Variants in ACADS observed in about 807,000 individuals in gnomAD.
ACADS encodes short-chain specific acyl-CoA dehydrogenase, mitochondrial.
ACADS carries 28 observed loss-of-function variants against 46.8 expected under a neutral mutation model. The ratio of observed to expected loss-of-function variants is 0.60; its 90% CI spans 0.44 to 0.82. ACADS has a LOEUF of 0.82. Among genes scored for constraint, ACADS ranks in the 40% least tolerant of loss-of-function variants. The pLI is 0.00. For synonymous variants in ACADS, 236 were observed against 237.7 expected, an observed-to-expected ratio of 0.99 and a Z score of 0.07; for missense variants, 528 against 578.0, an observed-to-expected ratio of 0.91 and a Z score of 0.89.
chr12:120,725,858 G>A lies in ACADS; in HGVS notation c.-28G>A. On this transcript the variant is annotated 5_prime_UTR_variant, in exon 1 of 10. Transcript: ENST00000242592. ...AACAGCGCGCTCGCAGCGGGAGGTC[G>A]CGAAGCCTGGGACTGTGTCTGTCGC... 1 of 1,536,264 alleles carries A rather than the reference G, an allele frequency of 6.5e-7. No homozygotes were observed. The highest frequency in any genetic ancestry group is 8.7e-7 in the Non-Finnish European group (1 of 1,149,088).
rs188190117 is a variant in ACADS, at chr12:120,739,475, C to G, written c.*27C>G. 21 of 1,594,394 alleles carry G rather than the reference C, an allele frequency of 1.3e-5. No individual in the cohort carries two copies. The East Asian group carries it at 4.7e-4, about 36-fold the overall frequency. ...CCCGCGGCGGACTGCCCCAGGACTG[C>G]GGGAAGGCGCGGGAGCCAGGGGCCT... On this transcript the variant is annotated 3_prime_UTR_variant, in exon 10 of 10. Coordinates refer to ENST00000242592, the MANE Select transcript of ACADS (RefSeq NM_000017.4).
In ACADS at chr12:120,732,721, G is replaced by A. The variant is rs551897934; in HGVS notation, c.211-4265G>A. On this transcript the variant is annotated intron_variant, in intron 2 of 9. Coordinates refer to ENST00000242592, the MANE Select transcript of ACADS (RefSeq NM_000017.4). ...GATGGGATGGCGGCCGGGAAGAGGC[G>A]CTCCTCACTTCCCAGACTGGGCAGC... is the stretch of plus-strand genomic sequence containing the variant. Among the ~76,000 whole-genome samples, 501 of 151,036 alleles carry A rather than the reference G, an allele frequency of 3.3e-3. 1 individual carries two copies. Among genetic ancestry groups the A allele is most frequent in the African/African-American group, 0.012 (487 of 41,018 alleles).
At chr12:120,726,464 G>C (rs1883087398) in intron 1 of ACADS, among the ~76,000 whole-genome samples, 1 of 152,218 alleles carries the variant, frequency 6.6e-6, no homozygotes. Context: ...CGTGTCTCCA[G>C]TTGTAGCAGC....
chr12:120,737,436 C>T lies in ACADS; in HGVS notation c.441C>T (p.Asp147=), dbSNP rs1393101803. Residue 147 remains aspartate, a synonymous_variant, in exon 4 of 10, where the codon GAC becomes GAT. Transcript: ENST00000242592. ...QAWVTPFTSG[D]KIGCFALSEP... Reference sequence around the variant, plus strand: ...GGGTCACGCCTTTCACCAGTGGTGACAAAATTGGCTGCTTTGCCCTCAGCG... The same window carrying T: ...GGGTCACGCCTTTCACCAGTGGTGATAAAATTGGCTGCTTTGCCCTCAGCG... 6.2e-7 allele frequency: 1 copy of T among 1,614,044 alleles called. No homozygotes were observed. The highest frequency in any genetic ancestry group is 1.3e-5 in the African/African-American group (1 of 74,938).
Position 120,733,535 on chromosome 12 carries a change from C to CTGCCTGCTGAAATGG in ACADS, c.211-3385_211-3371dup, listed in dbSNP as rs56311150. Among the ~76,000 whole-genome samples the CTGCCTGCTGAAATGG allele has an allele frequency of 3.8e-3, 538 of 142,452 alleles. 1 individual carries two copies. The highest frequency in any genetic ancestry group is 7.0e-3 in the Middle Eastern group (2 of 286). The allele number at this position is 142,452 out of a possible 152,430, so 93.5% of individuals were successfully genotyped here. On this transcript the variant is annotated intron_variant, in intron 2 of 9. Coordinates refer to ENST00000242592, the MANE Select transcript of ACADS (RefSeq NM_000017.4). ...GGACTTCCCCTTCCCTAGTTGGTTC[C>CTGCCTGCTGAAATGG]TGCCTGCTGAAATGGTGCCTGCTGA...
intron 2 of ACADS, among the ~76,000 whole-genome samples, chr12:120,731,104 C>T (rs966785897): frequency 1.3e-5 from 2 of 151,956 alleles, no homozygotes; most frequent in East Asian, 1.9e-4. Flanking sequence ...AGGTGTGCAC[C>T]GCCATGCCTG....
intron 2 of ACADS, among the ~76,000 whole-genome samples, chr12:120,731,339 C>T (rs1013682201): frequency 2.6e-5 from 4 of 151,900 alleles, no homozygotes; most frequent in African/African-American, 4.8e-5. Context: ...TGGATTTGAA[C>T]GCCTGGGCTC....
intron 2 of ACADS, among the ~76,000 whole-genome samples, chr12:120,734,891 A>G (rs1377393304): frequency 6.7e-6 from 1 of 149,132 alleles, no homozygotes. Context: ...AGCTGGGATT[A>G]CAGGCACCCG....
intron 5 of ACADS, 41 bp from the exon 6 acceptor site, chr12:120,738,239 T>C: frequency 6.2e-7 from 1 of 1,613,654 alleles, no homozygotes; most frequent in Non-Finnish European, 8.5e-7. Flanking sequence ...AGGGTGTGGC[T>C]GAGGGGCAGC....
Position 120,739,167 on chromosome 12 carries a change from T to C in ACADS, c.1057T>C (p.Ser353Pro), listed in dbSNP as rs796051904. Residue 353 changes from serine (S) to proline (P), a missense_variant, in exon 9 of 10, where the codon TCG (serine) becomes CCG (proline). Ser to Pro is a moderately conservative substitution (Grantham distance 74, BLOSUM62 -1). Transcript: ENST00000242592. The part of the protein sequence containing the change: ...KEAAMAKLAA[S>P]EAATAISHQA... The stretch of plus-strand genomic sequence containing the variant: ...GGCAGCCATGGCCAAGCTGGCCGCC[T>C]CGGAGGCCGCGACCGCCATCAGCCA... 6 of 1,612,914 alleles carry C rather than the reference T, an allele frequency of 3.7e-6. No individual in the cohort carries two copies. In the African/African-American group the frequency reaches 5.3e-5, roughly 14 times the overall value.
intron 2 of ACADS, among the ~76,000 whole-genome samples, chr12:120,732,941 T>C (rs1345553174): frequency 6.6e-6 from 1 of 152,262 alleles, no homozygotes; most frequent in East Asian, 1.9e-4. Context: ...CATTGAGCAC[T>C]GAGTGAACGA....
intron 4 of ACADS, 62 bp downstream of exon 4, chr12:120,737,529 G>A: frequency 6.8e-7 from 1 of 1,469,192 alleles, no homozygotes; most frequent in East Asian, 2.3e-5. Context: ...GGAGAGGAAG[G>A]TGCTAGGCCA....
chr12:120,739,056 A>G lies in ACADS; in HGVS notation c.1030-84A>G, dbSNP rs555045670. 5.0e-5 allele frequency: 79 copies of G among 1,590,636 alleles called. No homozygotes were observed. In the East Asian group the frequency reaches 1.6e-3, roughly 32 times the overall value. ...TTACAGCCCCATGGGGAGGCTCCAC[A>G]GGCCTCCCCTGCTGAGGGAGTGGGG... On this transcript the variant is annotated intron_variant, in intron 8 of 9. Coordinates refer to ENST00000242592, the MANE Select transcript of ACADS (RefSeq NM_000017.4).
chr12:120,736,651 C>T (rs1294426251), intron 2 of ACADS, among the ~76,000 whole-genome samples: 3 of 152,062 alleles, frequency 2.0e-5, no homozygotes, highest in South Asian at 4.1e-4. Context: ...GGGGGCTGGA[C>T]GAAGGTCAGT....
At position 120,728,103 on chromosome 12, in the gene ACADS, C is replaced by T. The variant is rs1045802764; in HGVS notation, c.210+914C>T. Among the ~76,000 whole-genome samples the T allele has an allele frequency of 4.6e-5, 7 of 151,908 alleles. No individual in the cohort carries two copies. The highest frequency in any genetic ancestry group is 2.6e-4 in the Admixed American group (4 of 15,250). On this transcript the variant is annotated intron_variant, in intron 2 of 9. Transcript: ENST00000242592. The surrounding 1 kb of genome is among the most constrained non-coding windows in gnomAD (Gnocchi z 4.0). Reference sequence around the variant, plus strand: ...CTGGGATTACAGGCGGGCACCACCACGCCCAGCTAGTTTTTGTACTTTCAG... The same window carrying T: ...CTGGGATTACAGGCGGGCACCACCATGCCCAGCTAGTTTTTGTACTTTCAG...
chr12:120,738,811 C>T lies in ACADS; in HGVS notation c.934-9C>T. ...TGCTGACCTGTGGTGTGGGGTGGGGCTATTGCAGTTCAAGTTGGCAGACAT... is the reference window on the plus strand; with the variant it reads ...TGCTGACCTGTGGTGTGGGGTGGGGTTATTGCAGTTCAAGTTGGCAGACAT... On this transcript the variant is annotated splice_polypyrimidine_tract_variant and intron_variant, in intron 7 of 9. Transcript: ENST00000242592. 6.2e-7 allele frequency: 1 copy of T among 1,613,920 alleles called. No homozygotes were observed. The highest frequency in any genetic ancestry group is 8.5e-7 in the Non-Finnish European group (1 of 1,180,012).
chr12:120,729,017 A>G (rs1456731948), intron 2 of ACADS, among the ~76,000 whole-genome samples: 1 of 152,096 alleles, frequency 6.6e-6, no homozygotes, highest in Non-Finnish European at 1.5e-5. Flanking sequence ...CTCAGGGTGC[A>G]GGTCAGGGTT....
chr12:120,734,366 G>A (rs916171776), intron 2 of ACADS, among the ~76,000 whole-genome samples: 13 of 152,322 alleles, frequency 8.5e-5, no homozygotes, highest in African/African-American at 2.9e-4. Flanking sequence ...CCTGGGGGCC[G>A]CAGAGCTTGA....
At chr12:120,736,276 T>C (rs1883433156) in intron 2 of ACADS, among the ~76,000 whole-genome samples, 1 of 152,180 alleles carries the variant, frequency 6.6e-6, no homozygotes, top group African/African-American at 2.4e-5. Flanking sequence ...TCACTGCTCC[T>C]GGCCCACTCT....
Sources: gnomAD v4.1 joint callset for allele counts (sites outside exome capture counted in the v4.1 genomes callset) on GRCh38, gnomAD v4.1.1 for gene constraint, Gnocchi (gnomAD v3.1) non-coding constraint, MANE v1.5 for transcripts, NCBI Gene and HGNC (gene_info 2026-07-23, HGNC 2026-07-21) for gene names.